Variants in CRELD2 observed in about 807,000 individuals in gnomAD.
CRELD2 encodes the protein CRELD disulfide isomerase 2.
In CRELD2, 33 loss-of-function variants were observed where a neutral mutation model predicts 48.1. The observed-to-expected ratio is 0.69, with a 90% confidence interval of 0.52 to 0.92. CRELD2 has a LOEUF of 0.92. CRELD2 is among the 40% of genes least tolerant of loss of function. CRELD2 has a pLI of 0.00. For missense variants in CRELD2, 477 were observed against 482.4 expected (o/e 0.99, Z 0.10); for synonymous variants, 220 against 203.9 (o/e 1.08, Z -0.67).
At chr22:49,920,109 A>G in intron 3 of CRELD2, 47 bp from the exon 4 acceptor site, 1 of 1,294,200 alleles carries the variant, frequency 7.7e-7, no homozygotes, top group Non-Finnish European at 1.1e-6. Context: ...TTTGTTTTAA[A>G]GAACCGTGTC....
rs1281870511 is a variant in CRELD2, at chr22:49,921,721, C to T, written c.552C>T (p.Tyr184=). 6.2e-7 allele frequency: 1 copy of T among 1,612,676 alleles called. No homozygotes were observed. The change falls in exon 5 of 10, where the codon TAC becomes TAT. Residue 184 remains tyrosine, a synonymous_variant. Coordinates refer to ENST00000328268, the MANE Select transcript of CRELD2 (RefSeq NM_024324.5). ...GPLCTDCMDG[Y]FSSLRNETHS... Reference sequence around the variant, plus strand: ...TGTGCACTGACTGCATGGACGGCTACTTCAGCTCGCTCCGGAACGAGACCC... The same window carrying T: ...TGTGCACTGACTGCATGGACGGCTATTTCAGCTCGCTCCGGAACGAGACCC...
chr22:49,920,315 AG>A (rs1451110920), intron 4 of CRELD2, 68 bp downstream of exon 4: 1 of 1,176,108 alleles, frequency 8.5e-7, no homozygotes, highest in Non-Finnish European at 1.2e-6. Context: ...GATTCTTGGG[AG>A]GTAAAAGCAC....
Position 49,923,243 on chromosome 22 carries a change from A to G in CRELD2, c.698A>G (p.Glu233Gly). The G allele has an allele frequency of 6.3e-7, 1 of 1,581,664 alleles. No individual in the cohort carries two copies. The change falls in exon 7 of 10, where the codon GAG becomes GGG. Residue 233 changes from glutamate to glycine, a missense_variant. By Grantham distance (98) the Glu-to-Gly change is moderately conservative. Coordinates refer to ENST00000328268, the MANE Select transcript of CRELD2 (RefSeq NM_024324.5). ...TGCCGCTCTGTTCCAGATGTGGACG[A>G]GTGTGCGGCCGAGCCGCCTCCCTGC... ...LDEGACVDVD[E>G]CAAEPPPCSA...
At chr22:49,923,899 T>G (rs1446765727) in intron 7 of CRELD2, 5 of 241,982 alleles carry the variant, frequency 2.1e-5, no homozygotes, top group Non-Finnish European at 4.1e-5. Flanking sequence ...TGATCCCCAG[T>G]CCCAGCAGCA....
At chr22:49,926,215 C>T (rs924779611) in intron 9 of CRELD2, 3 of 152,508 alleles carry the variant, frequency 2.0e-5, no homozygotes, top group Non-Finnish European at 4.4e-5. Flanking sequence ...GTCACTAATG[C>T]CCTCATGTTA....
In CRELD2 at chr22:49,918,813, T is replaced by C. The variant is rs909891881; in HGVS notation, c.44T>C (p.Leu15Pro). 6.1e-6 allele frequency: 8 copies of C among 1,320,102 alleles called. No homozygotes were observed. The African/African-American group carries it at 1.2e-4, about 20-fold the overall frequency. The allele number at this position is 1,320,102 out of a possible 1,614,324, so 81.8% of individuals were successfully genotyped here. Reference sequence around the variant, plus strand: ...GCCGCGCTGGGGCTCCTGCCGCTTCTGCTGCTGCTGCCGCCCGCGCCGGAG... The same window carrying C: ...GCCGCGCTGGGGCTCCTGCCGCTTCCGCTGCTGCTGCCGCCCGCGCCGGAG... ...RRAALGLLPL[L>P]LLLPPAPEAA... Residue 15 changes from leucine (L) to proline (P), a missense_variant, in exon 1 of 10, where the codon CTG (leucine) becomes CCG (proline). By Grantham distance (98) the Leu-to-Pro change is moderately conservative. Transcript: ENST00000328268.
At chr22:49,923,682 G>C (rs7410537) in intron 7 of CRELD2, 8 of 394,448 alleles carry the variant, frequency 2.0e-5, no homozygotes, top group Non-Finnish European at 3.8e-5. Context: ...TCTCTGTCAC[G>C]CTAATGATTT....
At chr22:49,925,365 C>T (rs111536333) in intron 8 of CRELD2, 52 bp from the exon 9 acceptor site, 2 of 1,158,856 alleles carry the variant, frequency 1.7e-6, no homozygotes, top group African/African-American at 3.1e-5. Context: ...TCATAATCCG[C>T]TGCGCGTCTG....
In CRELD2 at chr22:49,919,723, G is replaced by GT; in HGVS notation, c.213-4dup. ...TGACGGTGGGCCGGTGTGGGCCTGTGTTTCAGCGAGATTCGCCTGCTGGAG... is the reference window on the plus strand; with the variant it reads ...TGACGGTGGGCCGGTGTGGGCCTGTGTTTTCAGCGAGATTCGCCTGCTGGAG... On this transcript the variant is annotated splice_region_variant and splice_polypyrimidine_tract_variant and intron_variant, in intron 2 of 9. Coordinates refer to ENST00000328268, the MANE Select transcript of CRELD2 (RefSeq NM_024324.5). 2 of 1,602,314 alleles carry GT rather than the reference G, an allele frequency of 1.2e-6. No homozygotes were observed. Among genetic ancestry groups the GT allele is most frequent in the Non-Finnish European group, 1.7e-6 (2 of 1,174,820 alleles).
In CRELD2 at chr22:49,927,462, G is replaced by C; in HGVS notation, c.*155G>C. On this transcript the variant is annotated 3_prime_UTR_variant, in exon 10 of 10. Coordinates refer to ENST00000328268, the MANE Select transcript of CRELD2 (RefSeq NM_024324.5). ...GTCCCTTAAACAGCTGCATTTCTTGGTTGTTCTTAAACAGACTTGTATATT... is the reference window on the plus strand; with the variant it reads ...GTCCCTTAAACAGCTGCATTTCTTGCTTGTTCTTAAACAGACTTGTATATT... The C allele has an allele frequency of 1.5e-6, 1 of 655,346 alleles. No individual in the cohort carries two copies. The highest frequency in any genetic ancestry group is 2.8e-6 in the Non-Finnish European group (1 of 358,966). The allele number at this position is 655,346 out of a possible 1,614,324, so 40.6% of individuals were successfully genotyped here. A position where few individuals can be genotyped will look rare whatever the true frequency, so the allele number is the denominator to read the frequency against.
Position 49,923,569 on chromosome 22 carries a change from C to A in CRELD2, c.772+252C>A, listed in dbSNP as rs555869295. 6.8e-6 allele frequency: 4 copies of A among 589,242 alleles called. No homozygotes were observed. In the South Asian group the frequency reaches 7.2e-5, roughly 11 times the overall value. The allele number at this position is 589,242 out of a possible 1,614,324, so 36.5% of individuals were successfully genotyped here. On this transcript the variant is annotated intron_variant, in intron 7 of 9. Coordinates refer to ENST00000328268, the MANE Select transcript of CRELD2 (RefSeq NM_024324.5). ...CCTGCTGGTGCCTCCACTGCTCGTG[C>A]CCCCCCAGCGCCCCCGCAACGTGCC...
intron 6 of CRELD2, 132 bp from the exon 7 acceptor site, chr22:49,923,102 T>C (rs979093080): frequency 2.2e-4 from 149 of 673,594 alleles, no homozygotes; most frequent in Non-Finnish European, 3.0e-4. Flanking sequence ...TGATTCCTCC[T>C]CAGGGGCTGC....
chr22:49,923,152 C>A, intron 6 of CRELD2, 82 bp from the exon 7 acceptor site: 1 of 1,144,836 alleles, frequency 8.7e-7, no homozygotes, highest in Non-Finnish European at 1.2e-6. Context: ...TGGCCACGGG[C>A]TGTGTCAGGC....
At chr22:49,925,313 C>A in intron 8 of CRELD2, 104 bp from the exon 9 acceptor site, 1 of 803,114 alleles carries the variant, frequency 1.2e-6, no homozygotes, top group Non-Finnish European at 2.0e-6. Flanking sequence ...CGTTTGTCAT[C>A]GTTGTGCTTT....
intron 7 of CRELD2, 43 bp from the exon 8 acceptor site, chr22:49,924,317 T>C (rs2060735058): frequency 1.4e-6 from 2 of 1,463,040 alleles, no homozygotes; most frequent in African/African-American, 1.4e-5. Context: ...CGGGCACTGG[T>C]GCCTTGTGCA....
At chr22:49,923,458 T>G in intron 7 of CRELD2, 141 bp downstream of exon 7, 1 of 733,860 alleles carries the variant, frequency 1.4e-6, no homozygotes. Flanking sequence ...AAGTAAGTCA[T>G]AGGTATTTGC....
At chr22:49,922,195 G>T in intron 5 of CRELD2, 3 of 1,302,180 alleles carry the variant, frequency 2.3e-6, no homozygotes, top group Non-Finnish European at 3.1e-6. Context: ...TGTCTCGGAC[G>T]TGAGTGTGTG....
At chr22:49,922,341 C>A in intron 5 of CRELD2, 1 of 1,611,546 alleles carries the variant, frequency 6.2e-7, no homozygotes, top group African/African-American at 1.3e-5. Context: ...CTGTCTGTCT[C>A]TTGGATGTTG....
At position 49,918,915 on chromosome 22, in the gene CRELD2, C is replaced by T; in HGVS notation, c.129+17C>T. 1 of 1,329,302 alleles carries T rather than the reference C, an allele frequency of 7.5e-7. No individual in the cohort carries two copies. 82.3% of individuals were successfully genotyped at this position (1,329,302 alleles called of 1,614,324 possible). ...TTTAACCAGGTGGGAAGGGGCCGGG[C>T]GGGGTCGTCAACCTTGGGCCCGGGG... On this transcript the variant is annotated intron_variant, in intron 1 of 9. Transcript: ENST00000328268.
Sources: allele counts gnomAD v4.1 joint callset, GRCh38; gene constraint gnomAD v4.1.1; transcripts MANE v1.5; gene names NCBI Gene and HGNC (gene_info 2026-07-23, HGNC 2026-07-21).